Variants in SLC38A6 observed in about 807,000 individuals in gnomAD.
The protein encoded by SLC38A6 is solute carrier family 38 member 6, also known as N system amino acid transporter NAT-1.
Under a neutral mutation model 65.0 loss-of-function variants are expected in SLC38A6, and 73 were observed. The observed-to-expected ratio is 1.12, with a 90% CI of 0.93 to 1.37. The LOEUF (loss-of-function observed/expected upper bound fraction) is 1.37. Ranked by LOEUF, SLC38A6 falls within the 40% of genes most tolerant of loss-of-function variation. The pLI is 0.00. For synonymous variants in SLC38A6, 183 were observed against 178.8 expected (o/e 1.02, Z -0.19); for missense variants, 561 against 531.1 (o/e 1.06, Z -0.55).
chr14:61,031,521 AG>A (rs1375352992), intron 6 of SLC38A6, among the ~76,000 whole-genome samples: 1 of 152,162 alleles, frequency 6.6e-6, no homozygotes, highest in Non-Finnish European at 1.5e-5. Context: ...AAAGACAAGT[AG>A]AAGTCCTAAA....
In SLC38A6 at chr14:61,012,593, T is replaced by A. The variant is rs747534978; in HGVS notation, c.311-3311T>A. 1.8e-3 allele frequency among the ~76,000 whole-genome samples: 268 copies of A among 152,346 alleles called. No individual in the cohort carries two copies. The East Asian group carries it at 0.028, about 16-fold the overall frequency. On this transcript the variant is annotated intron_variant, in intron 3 of 15. Transcript: ENST00000267488. ...ATTCTGGTATGTTGTGTCTTTGTTC[T>A]TGTTGATTTGAAAGAATGTCTTTAT...
chr14:61,051,353 T>C (rs1039979539), intron 13 of SLC38A6, among the ~76,000 whole-genome samples: 1 of 152,162 alleles, frequency 6.6e-6, no homozygotes, highest in Non-Finnish European at 1.5e-5. Context: ...TAGTGAACTA[T>C]TTTTTCATAT....
intron 3 of SLC38A6, among the ~76,000 whole-genome samples, chr14:61,002,815 G>A (rs2038802808): frequency 6.6e-6 from 1 of 152,098 alleles, no homozygotes; most frequent in South Asian, 2.1e-4. Flanking sequence ...GCTAATGATT[G>A]CTTTCAGTCA....
Position 61,030,610 on chromosome 14 carries a change from C to T in SLC38A6, c.482+87C>T, listed in dbSNP as rs995544144. On this transcript the variant is annotated intron_variant, in intron 6 of 15. Coordinates refer to ENST00000267488, the MANE Select transcript of SLC38A6 (RefSeq NM_153811.3). The stretch of plus-strand genomic sequence containing the variant: ...CTGTAAATGGCAATACTTGTAGTGG[C>T]AGGTAAAATAAATGTAGTCCTTGCC... 7.9e-6 allele frequency: 7 copies of T among 884,388 alleles called. No individual in the cohort carries two copies. In the African/African-American group the frequency reaches 1.2e-4, roughly 15 times the overall value. The allele number at this position is 884,388 out of a possible 1,614,324, so 54.8% of individuals were successfully genotyped here. A position where few individuals can be genotyped will look rare whatever the true frequency, so the allele number is the denominator to read the frequency against.
intron 5 of SLC38A6, 59 bp from the exon 6 acceptor site, chr14:61,030,386 T>G: frequency 7.7e-7 from 1 of 1,300,002 alleles, no homozygotes; most frequent in Non-Finnish European, 1.1e-6. Context: ...AGATGGATTA[T>G]TGTTTAAATG....
Sources: gnomAD v4.1 joint callset for allele counts (sites outside exome capture counted in the v4.1 genomes callset) on GRCh38, gnomAD v4.1.1 for gene constraint, MANE v1.5 for transcripts, NCBI Gene and HGNC (gene_info 2026-07-23, HGNC 2026-07-21) for gene names.